SPRR2G: variants seen among roughly 807,000 people sequenced by gnomAD.
The protein encoded by SPRR2G is small proline rich protein 2G.
A neutral mutation model predicts 0.7 loss-of-function variants in SPRR2G; 1 was observed. The observed-to-expected ratio is 1.49, with a 90% CI of 0.53 to 7.06. The LOEUF (loss-of-function observed/expected upper bound fraction) is 7.06. Among genes scored for constraint, SPRR2G ranks in the 30% most tolerant of loss-of-function variants. The pLI is 0.14. For synonymous variants in SPRR2G, 38 were observed against 33.9 expected, an observed-to-expected ratio of 1.12 and a Z score of -0.42; for missense variants, 96 against 88.5, an observed-to-expected ratio of 1.09 and a Z score of -0.34.
At chr1:153,161,977 T>TTGG in the SPRR2G span, among the ~76,000 whole-genome samples, 3 of 152,118 alleles carry the variant, frequency 2.0e-5, no homozygotes, top group Admixed American at 6.6e-5. Context: ...TAGGGGGTTT[T>TTGG]TGGTGGTGGT....
At chr1:153,179,699 CTTA>C in the SPRR2G span, among the ~76,000 whole-genome samples, 3,181 of 152,104 alleles carry the variant, frequency 0.021, 241 homozygotes, top group Admixed American at 0.15. Context: ...CTGCCTTAAG[CTTA>C]TTATCACTTC....
rs3170867 is a variant in SPRR2G at position 153,149,653 on chromosome 1, G to A, written c.*236C>T. 1 of 599,204 alleles carries A rather than the reference G, an allele frequency of 1.7e-6. No individual in the cohort carries two copies. The highest frequency in any genetic ancestry group is 2.9e-6 in the Non-Finnish European group (1 of 339,114). The allele number at this position is 599,204 out of a possible 1,614,324, so 37.1% of individuals were successfully genotyped here. The stretch of plus-strand genomic sequence containing the variant: ...ATAAACACACTTGCTCTCAGGATAG[G>A]AACCACCATCTACATCACAGACAGC... On this transcript the variant is annotated 3_prime_UTR_variant, in exon 2 of 2. Transcript: ENST00000368748.
At chr1:153,197,131 A>AGTGTGTGT in the SPRR2G span, among the ~76,000 whole-genome samples, 1 of 104,522 alleles carries the variant, frequency 9.6e-6, no homozygotes, top group Admixed American at 1.1e-4. Context: ...CCAGGCAGAG[A>AGTGTGTGT]ATGTGTGTGT....
the SPRR2G span, among the ~76,000 whole-genome samples, chr1:153,187,811 G>A: frequency 6.6e-6 from 1 of 152,072 alleles, no homozygotes; most frequent in African/African-American, 2.4e-5. Context: ...CAGCATTTTG[G>A]GGCTGGTTTT....
the SPRR2G span, among the ~76,000 whole-genome samples, chr1:153,177,417 C>T: frequency 3.9e-5 from 6 of 152,072 alleles, no homozygotes; most frequent in Non-Finnish European, 8.8e-5. Flanking sequence ...TATAAGAAAC[C>T]GCCAAATTGT....
the SPRR2G span, among the ~76,000 whole-genome samples, chr1:153,183,042 A>G: frequency 6.7e-6 from 1 of 149,056 alleles, no homozygotes; most frequent in East Asian, 2.0e-4. Context: ...CCTCTCCAGC[A>G]TCTATTGTTT....
chr1:153,153,144 T>G (rs1656509010), upstream of SPRR2G, among the ~76,000 whole-genome samples: 1 of 152,170 alleles, frequency 6.6e-6, no homozygotes, highest in Non-Finnish European at 1.5e-5. Context: ...GGAGAATAGT[T>G]AAGTATCTAG....
the SPRR2G span, among the ~76,000 whole-genome samples, chr1:153,163,026 C>T: frequency 1.2e-4 from 18 of 152,268 alleles, no homozygotes; most frequent in South Asian, 2.1e-3. Context: ...AGAAACAAAA[C>T]TGGCTTTTAA....
chr1:153,184,263 A>G, the SPRR2G span, among the ~76,000 whole-genome samples: 29 of 152,324 alleles, frequency 1.9e-4, 1 homozygote, highest in East Asian at 5.2e-3. Context: ...AAGAAAATCA[A>G]TGATAGCTTG....
At chr1:153,154,168 AAG>A (rs1415739058), upstream of SPRR2G, among the ~76,000 whole-genome samples, 2 of 151,938 alleles carry the variant, frequency 1.3e-5, no homozygotes, top group Admixed American at 1.3e-4. Flanking sequence ...TTAGAAAAGA[AAG>A]AAATTTATTG....
At chr1:153,186,019 C>A in the SPRR2G span, among the ~76,000 whole-genome samples, 1 of 152,088 alleles carries the variant, frequency 6.6e-6, no homozygotes, top group Non-Finnish European at 1.5e-5. Context: ...TGTAGTTGTT[C>A]AGTTTTGAGT....
chr1:153,198,133 G>A, the SPRR2G span, among the ~76,000 whole-genome samples: 1 of 152,150 alleles, frequency 6.6e-6, no homozygotes, highest in African/African-American at 2.4e-5. Context: ...GTTCAAGGTT[G>A]AGGAGGAGAG....
At chr1:153,181,388 T>G in the SPRR2G span, among the ~76,000 whole-genome samples, 1 of 152,162 alleles carries the variant, frequency 6.6e-6, no homozygotes, top group African/African-American at 2.4e-5. Context: ...CCGTGAGCAT[T>G]TATCGTTTAT....
Position 153,149,878 on chromosome 1 carries a change from T to C in SPRR2G, c.*11A>G. ...CTTGTTGTTTCATGGTCCTGATGAA[T>C]TCTAGTGATGTTACTTGCTCTTGGG... On this transcript the variant is annotated 3_prime_UTR_variant, in exon 2 of 2. Transcript: ENST00000368748. 2 of 1,614,022 alleles carry C rather than the reference T, an allele frequency of 1.2e-6. No individual in the cohort carries two copies. Among genetic ancestry groups the C allele is most frequent in the Middle Eastern group, 1.7e-4 (1 of 6,052 alleles).
the SPRR2G span, among the ~76,000 whole-genome samples, chr1:153,194,487 T>C: frequency 6.6e-6 from 1 of 152,146 alleles, no homozygotes; most frequent in African/African-American, 2.4e-5. Context: ...CTTCCTTACC[T>C]CCTGCCACTT....
the SPRR2G span, among the ~76,000 whole-genome samples, chr1:153,166,678 A>G: frequency 6.6e-6 from 1 of 152,126 alleles, no homozygotes; most frequent in Non-Finnish European, 1.5e-5. Flanking sequence ...CCAAGAATAG[A>G]TATGTCATTT....
the SPRR2G span, among the ~76,000 whole-genome samples, chr1:153,187,221 A>G: frequency 1.7e-4 from 26 of 152,186 alleles, no homozygotes; most frequent in African/African-American, 6.0e-4. Flanking sequence ...TGTTCTCTGT[A>G]TTTCCTGAAT....
the SPRR2G span, among the ~76,000 whole-genome samples, chr1:153,158,497 C>T: frequency 2.0e-5 from 3 of 152,344 alleles, no homozygotes; most frequent in East Asian, 5.8e-4. Context: ...TGGCTCTGCA[C>T]AGTACAGCCC....
the SPRR2G span, among the ~76,000 whole-genome samples, chr1:153,193,786 G>A: frequency 6.6e-6 from 1 of 152,088 alleles, no homozygotes; most frequent in African/African-American, 2.4e-5. Context: ...GAGTAAATTA[G>A]ACCTGCCTCC....
Sources: allele counts gnomAD v4.1 joint callset (sites outside exome capture counted in the v4.1 genomes callset), GRCh38; gene constraint gnomAD v4.1.1; transcripts MANE v1.5; gene names NCBI Gene and HGNC (gene_info 2026-07-23, HGNC 2026-07-21).